The following SLC39A8 variants were observed in gnomAD, a reference collection of about 807,000 sequenced individuals.
SLC39A8 encodes solute carrier family 39 member 8.
SLC39A8 carries 15 observed loss-of-function variants against 40.4 expected under a neutral mutation model. That is an observed-to-expected ratio of 0.37 (90% CI 0.25 to 0.57). The LOEUF (loss-of-function observed/expected upper bound fraction) is 0.57. SLC39A8 is among the 20% of genes least tolerant of loss of function. The pLI is 0.75. For missense variants in SLC39A8, 472 were observed against 558.8 expected (o/e 0.84, Z 1.57); for synonymous variants, 223 against 221.6 (o/e 1.01, Z -0.06).
At chr4:102,280,639 C>A (rs2090406366) in intron 6 of SLC39A8, among the ~76,000 whole-genome samples, 1 of 152,168 alleles carries the variant, frequency 6.6e-6, no homozygotes, top group Admixed American at 6.5e-5. Flanking sequence ...TGAAGCTTCA[C>A]ATGAGAAAAG....
At chr4:102,270,871 G>A (rs1481250435) in intron 6 of SLC39A8, among the ~76,000 whole-genome samples, 6 of 151,930 alleles carry the variant, frequency 3.9e-5, no homozygotes, top group Admixed American at 2.0e-4. Context: ...AAATTGGAGG[G>A]CAAAAAACAA....
rs1338612341 is a variant in SLC39A8, at chr4:102,272,388, G to A, written c.841-4309C>T. 5.3e-5 allele frequency among the ~76,000 whole-genome samples: 8 copies of A among 151,656 alleles called. No homozygotes were observed. The East Asian group carries it at 5.9e-4, about 11-fold the overall frequency. On this transcript the variant is annotated intron_variant, in intron 6 of 8. Transcript: ENST00000356736. Reference sequence around the variant, plus strand: ...CGGGAGACAGAGCTTGCAGTGAGCCGAGATCGCAGTGAGCCGAGCCTGGGT... The same window carrying A: ...CGGGAGACAGAGCTTGCAGTGAGCCAAGATCGCAGTGAGCCGAGCCTGGGT...
chr4:102,345,139 T>G, intron 1 of SLC39A8: 2 of 156,158 alleles, frequency 1.3e-5, no homozygotes. Flanking sequence ...AAAACCACAC[T>G]AACTGTAGAA....
At chr4:102,344,381 T>G in intron 2 of SLC39A8, 63 bp downstream of exon 2, 1 of 1,199,828 alleles carries the variant, frequency 8.3e-7, no homozygotes, top group South Asian at 1.7e-5. Context: ...AAACGGCTCA[T>G]ATACAAAGTG....
chr4:102,297,256 A>T lies in SLC39A8; in HGVS notation c.840+7061T>A, dbSNP rs1170341880. The stretch of plus-strand genomic sequence containing the variant: ...CAGCGTAGTGTAAGGTAAGTTAACC[A>T]AACAGACCAGGAAACAGGATTCCTG... On this transcript the variant is annotated intron_variant, in intron 6 of 8. Transcript: ENST00000356736. Among the ~76,000 whole-genome samples the T allele has an allele frequency of 2.0e-5, 3 of 152,152 alleles. No homozygotes were observed. In the East Asian group the frequency reaches 5.8e-4, roughly 29 times the overall value.
chr4:102,300,025 A>G (rs1733849073), intron 6 of SLC39A8, among the ~76,000 whole-genome samples: 3 of 151,934 alleles, frequency 2.0e-5, no homozygotes, highest in South Asian at 2.1e-4. Context: ...GTGACACATT[A>G]CCTAGTAACA....
chr4:102,326,724 A>G (rs1735217754), intron 2 of SLC39A8, among the ~76,000 whole-genome samples: 1 of 152,196 alleles, frequency 6.6e-6, no homozygotes, highest in Non-Finnish European at 1.5e-5. Flanking sequence ...TTTTAAGAGT[A>G]CAAGGGGGTC....
intron 2 of SLC39A8, among the ~76,000 whole-genome samples, chr4:102,333,839 A>T (rs909442212): frequency 3.3e-5 from 5 of 152,214 alleles, no homozygotes; most frequent in African/African-American, 1.2e-4. Context: ...CTCGAGATGG[A>T]AACCTGAGGA....
At chr4:102,333,452 A>G (rs1394310825) in intron 2 of SLC39A8, among the ~76,000 whole-genome samples, 1 of 152,210 alleles carries the variant, frequency 6.6e-6, no homozygotes, top group Non-Finnish European at 1.5e-5. Context: ...AGTTATTATG[A>G]CAAGACTTAT....
downstream of SLC39A8, among the ~76,000 whole-genome samples, chr4:102,257,057 A>G (rs1327107310): frequency 6.6e-6 from 1 of 152,208 alleles, no homozygotes; most frequent in Non-Finnish European, 1.5e-5. Flanking sequence ...GAAATTGAGA[A>G]TAAGCATTTA....
chr4:102,309,540 T>G (rs1336358761), intron 3 of SLC39A8, among the ~76,000 whole-genome samples: 2 of 152,032 alleles, frequency 1.3e-5, no homozygotes, highest in South Asian at 2.1e-4. Flanking sequence ...TAGATCTACA[T>G]GGAATTTCTC....
chr4:102,341,811 C>T (rs991301918), intron 2 of SLC39A8, among the ~76,000 whole-genome samples: 1 of 152,194 alleles, frequency 6.6e-6, no homozygotes, highest in African/African-American at 2.4e-5. Context: ...GTTCATTAGT[C>T]TATTACCTGA....
chr4:102,290,135 T>C (rs1348817180), intron 6 of SLC39A8, among the ~76,000 whole-genome samples: 2 of 152,168 alleles, frequency 1.3e-5, no homozygotes, highest in Non-Finnish European at 2.9e-5. Context: ...GCCGTCAACA[T>C]CAGAGGCACG....
chr4:102,280,510 A>G (rs1426155522), intron 6 of SLC39A8, among the ~76,000 whole-genome samples: 1 of 152,258 alleles, frequency 6.6e-6, no homozygotes, highest in Non-Finnish European at 1.5e-5. Flanking sequence ...TTCTGTAAAC[A>G]TAAAGTTTTG....
chr4:102,314,098 C>G (rs1323168171), intron 3 of SLC39A8, among the ~76,000 whole-genome samples: 1 of 152,066 alleles, frequency 6.6e-6, no homozygotes, highest in Non-Finnish European at 1.5e-5. Flanking sequence ...TCTTCCCAGT[C>G]TTCTCCATCC....
At chr4:102,324,790 G>A (rs939616736) in intron 2 of SLC39A8, among the ~76,000 whole-genome samples, 30 of 152,142 alleles carry the variant, frequency 2.0e-4, no homozygotes, top group African/African-American at 6.3e-4. Context: ...GATCCCAAGA[G>A]AGCAATTGAA....
intron 6 of SLC39A8, among the ~76,000 whole-genome samples, chr4:102,292,356 A>C (rs901437496): frequency 1.3e-5 from 2 of 152,116 alleles, no homozygotes; most frequent in African/African-American, 4.8e-5. Flanking sequence ...ACTTCTAAAA[A>C]TTCAATCCAA....
chr4:102,293,503 C>G (rs531903848), intron 6 of SLC39A8, among the ~76,000 whole-genome samples: 1 of 151,934 alleles, frequency 6.6e-6, no homozygotes, highest in African/African-American at 2.4e-5. Flanking sequence ...CAAAACAATA[C>G]TGGGAGAATT....
In SLC39A8 at chr4:102,262,184, T is replaced by C. The variant is rs1731894626; in HGVS notation, c.*860A>G. 1.0e-6 allele frequency: 1 copy of C among 985,824 alleles called. No homozygotes were observed. Among genetic ancestry groups the C allele is most frequent in the African/African-American group, 1.7e-5 (1 of 57,234 alleles). 61.1% of individuals were successfully genotyped at this position (985,824 alleles called of 1,614,324 possible). A position where few individuals can be genotyped will look rare whatever the true frequency, so the allele number is the denominator to read the frequency against. On this transcript the variant is annotated 3_prime_UTR_variant, in exon 9 of 9. Coordinates refer to ENST00000356736, the MANE Select transcript of SLC39A8 (RefSeq NM_001135146.2). ...AGTTATGTTTGTCTTTAAAAGTAAATTGCATAAAATTACATCCAATTTCTT... is the reference window on the plus strand; with the variant it reads ...AGTTATGTTTGTCTTTAAAAGTAAACTGCATAAAATTACATCCAATTTCTT...
Sources: allele counts gnomAD v4.1 joint callset (sites outside exome capture counted in the v4.1 genomes callset), GRCh38; gene constraint gnomAD v4.1.1; transcripts MANE v1.5; gene names NCBI Gene and HGNC (gene_info 2026-07-23, HGNC 2026-07-21).